Variants in DDR2 observed in about 807,000 individuals in gnomAD.
The protein encoded by DDR2 is discoidin domain-containing receptor 2.
DDR2 carries 27 observed loss-of-function variants against 94.9 expected under a neutral mutation model. That is an observed-to-expected ratio of 0.28 (90% CI 0.21 to 0.39). The LOEUF (loss-of-function observed/expected upper bound fraction) is 0.39, where lower values mean the gene tolerates loss of function less well. DDR2 is among the 10% of genes least tolerant of loss of function. The probability of loss-of-function intolerance (pLI) is 1.00; values close to 1 mark genes in which losing one functional copy is unlikely to be tolerated. For missense variants in DDR2, 783 were observed against 1,076.0 expected (o/e 0.73, Z 3.81); for synonymous variants, 382 against 377.2 (o/e 1.01, Z -0.15).
chr1:162,690,667 G>C lies in DDR2; in HGVS notation c.-27-28370G>C, dbSNP rs145641338. ...ACACATCTTTTTATAAACATAAAAA[G>C]TTATGCCTTCCCTAATGTTATTTGA... is the stretch of plus-strand genomic sequence containing the variant. On this transcript the variant is annotated intron_variant, in intron 2 of 17. Transcript: ENST00000367921. 4.0e-5 allele frequency among the ~76,000 whole-genome samples: 6 copies of C among 151,050 alleles called. No individual in the cohort carries two copies. In the East Asian group the frequency reaches 1.2e-3, roughly 29 times the overall value.
chr1:162,777,468 G>T, intron 16 of DDR2, among the ~76,000 whole-genome samples: 1 of 13,042 alleles, frequency 7.7e-5, no homozygotes, highest in East Asian at 0.024. Flanking sequence ...GAATGATGCT[G>T]TGATGTACAC....
intron 9 of DDR2, among the ~76,000 whole-genome samples, chr1:162,765,217 C>G (rs1460143154): frequency 6.6e-6 from 1 of 152,118 alleles, no homozygotes; most frequent in Non-Finnish European, 1.5e-5. Flanking sequence ...GTCTCTTGAG[C>G]TTTAAATCCA....
chr1:162,758,003 A>G (rs138075338), intron 7 of DDR2, among the ~76,000 whole-genome samples: 1 of 152,154 alleles, frequency 6.6e-6, no homozygotes, highest in African/African-American at 2.4e-5. Flanking sequence ...ATTTTCCATT[A>G]CTATGAAGAG....
chr1:162,772,369 C>T, intron 13 of DDR2, 122 bp downstream of exon 13: 1 of 1,039,830 alleles, frequency 9.6e-7, no homozygotes. Flanking sequence ...ATTTGTCTCT[C>T]CTTGCATTGT....
intron 2 of DDR2, among the ~76,000 whole-genome samples, chr1:162,661,025 T>A (rs1571160565): frequency 6.6e-6 from 1 of 152,328 alleles, no homozygotes; most frequent in South Asian, 2.1e-4. Flanking sequence ...CTTGCCCCAG[T>A]GGCAAACTTC....
chr1:162,732,976 T>C (rs1662130991), intron 3 of DDR2, among the ~76,000 whole-genome samples: 1 of 152,250 alleles, frequency 6.6e-6, no homozygotes, highest in Admixed American at 6.5e-5. Context: ...CTGCTGGGCC[T>C]GCCACAGCCT....
At position 162,759,782 on chromosome 1, in the gene DDR2, C is replaced by T. The variant is rs1663626645; in HGVS notation, c.672-14C>T. On this transcript the variant is annotated splice_polypyrimidine_tract_variant and intron_variant, in intron 7 of 17. Transcript: ENST00000367921. ...TTCTCTCTCCTTTTCCTCCTCTTCT[C>T]CTGGCCTGAGCAGCATGACAGAAGG... The T allele has an allele frequency of 3.1e-6, 5 of 1,613,600 alleles. No homozygotes were observed. Among genetic ancestry groups the T allele is most frequent in the Non-Finnish European group, 4.2e-6 (5 of 1,179,990 alleles).
chr1:162,715,138 C>T (rs1453256422), intron 2 of DDR2, among the ~76,000 whole-genome samples: 2 of 152,030 alleles, frequency 1.3e-5, no homozygotes, highest in Admixed American at 1.3e-4. Flanking sequence ...TTAGAATGAC[C>T]AGATGTAGTC....
intron 3 of DDR2, among the ~76,000 whole-genome samples, chr1:162,726,468 C>T (rs1437919600): frequency 1.3e-5 from 2 of 152,132 alleles, no homozygotes; most frequent in Non-Finnish European, 2.9e-5. Flanking sequence ...AAAACTTTGC[C>T]TTCACCCTGT....
At chr1:162,741,504 A>G (rs948934567) in intron 3 of DDR2, 1 of 779,790 alleles carries the variant, frequency 1.3e-6, no homozygotes, top group African/African-American at 1.9e-5. Context: ...CCAACTACAT[A>G]GGGTTATTGC....
chr1:162,750,713 G>T (rs904210966), intron 3 of DDR2, among the ~76,000 whole-genome samples: 28 of 152,146 alleles, frequency 1.8e-4, no homozygotes, highest in Non-Finnish European at 3.7e-4. Context: ...AAAGAACAAA[G>T]CTGGAGGCAT....
chr1:162,721,299 A>G (rs1227029533), intron 3 of DDR2, among the ~76,000 whole-genome samples: 1 of 152,224 alleles, frequency 6.6e-6, no homozygotes, highest in African/African-American at 2.4e-5. Context: ...GACAGCAAAT[A>G]GTCATCTTAA....
At chr1:162,630,865 G>A (rs753438320), upstream of DDR2, among the ~76,000 whole-genome samples, 6 of 152,196 alleles carry the variant, frequency 3.9e-5, no homozygotes, top group Non-Finnish European at 8.8e-5. Flanking sequence ...TCTGGCCTGA[G>A]TCACCCTCAG....
At chr1:162,708,010 A>C (rs1660734639) in intron 2 of DDR2, among the ~76,000 whole-genome samples, 1 of 152,204 alleles carries the variant, frequency 6.6e-6, no homozygotes, top group Non-Finnish European at 1.5e-5. Context: ...TTATCACTAC[A>C]GGATATGGTT....
At chr1:162,770,566 G>T (rs750184850) in intron 12 of DDR2, 54 bp downstream of exon 12, 2 of 1,557,528 alleles carry the variant, frequency 1.3e-6, no homozygotes, top group Non-Finnish European at 1.8e-6. Context: ...GCAAGCATCA[G>T]GTAGGTATGA....
chr1:162,643,886 A>T (rs1359200058), intron 1 of DDR2, among the ~76,000 whole-genome samples: 1 of 152,222 alleles, frequency 6.6e-6, no homozygotes, highest in Non-Finnish European at 1.5e-5. Context: ...GGCAAGGAGA[A>T]GCCTGGGAAG....
At chr1:162,689,093 G>A (rs866031175) in intron 2 of DDR2, among the ~76,000 whole-genome samples, 47 of 152,300 alleles carry the variant, frequency 3.1e-4, no homozygotes, top group African/African-American at 1.1e-3. Flanking sequence ...TATGATTTGC[G>A]CATCTCTGCA....
chr1:162,672,290 A>G (rs573782637), intron 2 of DDR2, among the ~76,000 whole-genome samples: 1 of 152,206 alleles, frequency 6.6e-6, no homozygotes, highest in East Asian at 1.9e-4. Context: ...ACATGTAAGT[A>G]GTGCTTATAA....
chr1:162,782,772 G>A lies in DDR2; in HGVS notation c.*2526G>A, dbSNP rs1647974721. 1 of 151,948 alleles carries A rather than the reference G, an allele frequency of 6.6e-6. No homozygotes were observed. 9.4% of individuals were successfully genotyped at this position (151,948 alleles called of 1,614,324 possible). A position where few individuals can be genotyped will look rare whatever the true frequency, so the allele number is the denominator to read the frequency against. Reference sequence around the variant, plus strand: ...TTTTAAAAAAAATCATATTTAAAATGAACTTACAATGTCTGAATTTTCCTG... The same window carrying A: ...TTTTAAAAAAAATCATATTTAAAATAAACTTACAATGTCTGAATTTTCCTG... On this transcript the variant is annotated 3_prime_UTR_variant, in exon 18 of 18. Transcript: ENST00000367921.
Sources: allele counts gnomAD v4.1 joint callset (sites outside exome capture counted in the v4.1 genomes callset), GRCh38; gene constraint gnomAD v4.1.1; transcripts MANE v1.5; gene names NCBI Gene and HGNC (gene_info 2026-07-23, HGNC 2026-07-21).